DMD: variants seen among roughly 807,000 people sequenced by gnomAD.
DMD encodes the protein dystrophin.
A neutral mutation model predicts 330.1 loss-of-function variants in DMD; 63 were observed. That is an observed-to-expected ratio of 0.19 (90% CI 0.16 to 0.24). The LOEUF is 0.24. Ranked by LOEUF, DMD falls within the 10% of genes least tolerant of loss-of-function variation. The pLI, the probability that DMD is intolerant of heterozygous loss-of-function variation, is 1.00. For synonymous variants in DMD, 1,223 were observed against 959.8 expected, an observed-to-expected ratio of 1.27 and a Z score of -5.07; for missense variants, 3,344 against 2,684.1, an observed-to-expected ratio of 1.25 and a Z score of -5.43.
intron 55 of DMD, among the ~76,000 whole-genome samples, chrX:31,566,802 G>A (rs775138569): frequency 5.0e-4 from 56 of 111,643 alleles, no homozygotes; most frequent in Non-Finnish European, 7.7e-4. Context: ...TCTACATACC[G>A]ATCCTGTACA....
At chrX:31,850,904 G>T (rs1005148931) in intron 48 of DMD, among the ~76,000 whole-genome samples, 2 of 112,187 alleles carry the variant, frequency 1.8e-5, no homozygotes, top group Admixed American at 9.4e-5. Flanking sequence ...AATGTGCCCT[G>T]GTCGCATATA....
chrX:31,722,866 C>T (rs1213362262), intron 52 of DMD, among the ~76,000 whole-genome samples: 3 of 109,440 alleles, frequency 2.7e-5, no homozygotes, highest in East Asian at 2.9e-4. Context: ...GCCAACATGA[C>T]GAAACCCCGT....
intron 2 of DMD, among the ~76,000 whole-genome samples, chrX:32,973,238 T>C (rs1454895088): frequency 1.8e-5 from 2 of 112,327 alleles, no homozygotes; most frequent in Non-Finnish European, 3.8e-5. Context: ...GATTTTAAAT[T>C]TAATCATTTG....
intron 63 of DMD, among the ~76,000 whole-genome samples, chrX:31,255,592 A>C (rs1259999549): frequency 9.0e-6 from 1 of 110,774 alleles, no homozygotes; most frequent in African/African-American, 3.3e-5. Context: ...TTTTCTCAGA[A>C]TGTACATTTT....
At chrX:31,884,355 T>C (rs2094121462) in intron 47 of DMD, among the ~76,000 whole-genome samples, 1 of 111,696 alleles carries the variant, frequency 9.0e-6, no homozygotes, top group East Asian at 2.8e-4. Context: ...CAACACGGAT[T>C]GAACTGGAAG....
At chrX:32,406,977 A>G (rs2098120140) in intron 30 of DMD, among the ~76,000 whole-genome samples, 1 of 111,760 alleles carries the variant, frequency 8.9e-6, no homozygotes, top group Admixed American at 9.5e-5. Context: ...AATTAACTCA[A>G]GATGGATTAA....
At chrX:31,731,706 T>G (rs2086515861) in intron 51 of DMD, among the ~76,000 whole-genome samples, 1 of 111,807 alleles carries the variant, frequency 8.9e-6, no homozygotes, top group Admixed American at 9.5e-5. Context: ...TTTTCGATAC[T>G]TGGAAATTTT....
intron 43 of DMD, among the ~76,000 whole-genome samples, chrX:32,278,338 G>A (rs1340360844): frequency 9.0e-6 from 1 of 111,257 alleles, no homozygotes; most frequent in Non-Finnish European, 1.9e-5. Context: ...GTAAAGAAAA[G>A]CTTGGGACCC....
intron 62 of DMD, among the ~76,000 whole-genome samples, chrX:31,321,084 A>G (rs1027215702): frequency 1.8e-5 from 2 of 111,701 alleles, no homozygotes; most frequent in African/African-American, 6.5e-5. Context: ...AACAGTGGAA[A>G]AATAAAATTC....
chrX:31,907,643 G>A lies in DMD; in HGVS notation c.6912+21953C>T, dbSNP rs963171905. Among the ~76,000 whole-genome samples, 3 of 111,938 alleles carry A rather than the reference G, an allele frequency of 2.7e-5. No individual in the cohort carries two copies. The Admixed American group carries it at 2.8e-4, about 11-fold the overall frequency. ...AAGAAAACCTAGGCAATACCATTCAGGACAAAGGCATGGGCAAGGACTTCA... is the reference window on the plus strand; with the variant it reads ...AAGAAAACCTAGGCAATACCATTCAAGACAAAGGCATGGGCAAGGACTTCA... On this transcript the variant is annotated intron_variant, in intron 47 of 78. Coordinates refer to ENST00000357033, the MANE Select transcript of DMD (RefSeq NM_004006.3).
At chrX:32,473,564 G>T (rs1039744926) in intron 21 of DMD, among the ~76,000 whole-genome samples, 1 of 111,497 alleles carries the variant, frequency 9.0e-6, no homozygotes, top group Non-Finnish European at 1.9e-5. Flanking sequence ...TAAATGAGAA[G>T]AATATAGGAA....
At position 31,580,254 on chromosome X, in the gene DMD, TG is replaced by T. The variant is rs1183595665; in HGVS notation, c.8217+47418del. On this transcript the variant is annotated intron_variant, in intron 55 of 78. Transcript: ENST00000357033. ...GCCTACCACAGGGGGAAATAAAACT[TG>T]CTTTAGCCAATCGGATATTGCAGGC... 3.6e-5 allele frequency among the ~76,000 whole-genome samples: 4 copies of T among 112,259 alleles called. No homozygotes were observed. In the Admixed American group the frequency reaches 3.8e-4, roughly 11 times the overall value.
At chrX:32,350,727 G>A (rs2097778733) in intron 37 of DMD, among the ~76,000 whole-genome samples, 2 of 111,058 alleles carry the variant, frequency 1.8e-5, no homozygotes, top group Non-Finnish European at 3.8e-5. Flanking sequence ...ATTTGCTGAA[G>A]AACCTCCTGC....
At chrX:32,604,475 C>G (rs971928729) in intron 12 of DMD, among the ~76,000 whole-genome samples, 1 of 109,208 alleles carries the variant, frequency 9.2e-6, no homozygotes, top group Non-Finnish European at 1.9e-5. Flanking sequence ...GAGCACCCCC[C>G]TCCCCCAAGA....
At chrX:33,112,786 A>G (rs2095349783) in intron 1 of DMD, among the ~76,000 whole-genome samples, 1 of 108,881 alleles carries the variant, frequency 9.2e-6, no homozygotes, top group Non-Finnish European at 1.9e-5. Flanking sequence ...AACTTATTCA[A>G]CTGTTAAAGT....
chrX:31,330,958 T>C (rs2148357763), intron 61 of DMD, among the ~76,000 whole-genome samples: 1 of 112,198 alleles, frequency 8.9e-6, no homozygotes, highest in African/African-American at 3.2e-5. Flanking sequence ...CTATATCGTA[T>C]ATCAAAAGTA....
At chrX:31,929,379 G>A (rs991946610) in intron 47 of DMD, among the ~76,000 whole-genome samples, 3 of 111,161 alleles carry the variant, frequency 2.7e-5, no homozygotes, top group Non-Finnish European at 5.7e-5. Context: ...ATAAATTTTG[G>A]CATTTGGTCA....
At chrX:32,735,115 C>A (rs1214690482) in intron 7 of DMD, among the ~76,000 whole-genome samples, 4 of 108,802 alleles carry the variant, frequency 3.7e-5, no homozygotes, top group Non-Finnish European at 7.6e-5. Flanking sequence ...TTCTTATACA[C>A]CAACAACAGA....
intron 16 of DMD, among the ~76,000 whole-genome samples, chrX:32,565,207 G>A (rs1232197425): frequency 9.0e-6 from 1 of 111,689 alleles, no homozygotes; most frequent in African/African-American, 3.3e-5. Context: ...GTCTATGGCA[G>A]AAAAGGTACA....
Sources: gnomAD v4.1 joint callset for allele counts (sites outside exome capture counted in the v4.1 genomes callset) on GRCh38, gnomAD v4.1.1 for gene constraint, MANE v1.5 for transcripts, NCBI Gene and HGNC (gene_info 2026-07-23, HGNC 2026-07-21) for gene names.